The following HYDIN variants were observed in gnomAD, a reference collection of about 807,000 sequenced individuals.
HYDIN encodes the protein axonemal central pair apparatus protein HYDIN.
HYDIN carries 132 observed loss-of-function variants against 403.9 expected under a neutral mutation model. The observed-to-expected ratio is 0.33, with a 90% CI of 0.28 to 0.38. The LOEUF is 0.38. Ranked by LOEUF, HYDIN falls within the 10% of genes least tolerant of loss-of-function variation. The probability of loss-of-function intolerance (pLI) is 1.00; values close to 1 mark genes in which losing one functional copy is unlikely to be tolerated. For synonymous variants in HYDIN, 1,202 were observed against 1,891.7 expected (o/e 0.64, Z 9.46); for missense variants, 2,827 against 5,009.5 (o/e 0.56, Z 13.15).
intron 67 of HYDIN, chr16:70,865,132 A>T (rs1242884212): frequency 7.7e-6 from 2 of 261,402 alleles, no homozygotes; most frequent in Non-Finnish European, 1.5e-5. Context: ...TTGTCCTTGT[A>T]TGTGTTGCAC....
At chr16:70,845,850 TG>T in intron 75 of HYDIN, among the ~76,000 whole-genome samples, 1 of 138,840 alleles carries the variant, frequency 7.2e-6, no homozygotes, top group Non-Finnish European at 1.5e-5. Context: ...TAGTATTCTC[TG>T]ATGGTAGTTT....
Position 70,991,401 on chromosome 16 carries a change from G to A in HYDIN, c.3786-5C>T, listed in dbSNP as rs1240791632. ...TCTTCATCCACAAGGACAGTCCTAGGAAGTTTAATGAAATGCAGAGATTCA... is the reference window on the plus strand; with the variant it reads ...TCTTCATCCACAAGGACAGTCCTAGAAAGTTTAATGAAATGCAGAGATTCA... On this transcript the variant is annotated splice_region_variant and splice_polypyrimidine_tract_variant and intron_variant, in intron 24 of 85. Transcript: ENST00000393567. The A allele has an allele frequency of 6.8e-6, 11 of 1,612,756 alleles. No individual in the cohort carries two copies. In the African/African-American group the frequency reaches 1.5e-4, roughly 22 times the overall value.
intron 1 of HYDIN, among the ~76,000 whole-genome samples, chr16:71,224,576 T>G (rs1288497368): frequency 6.8e-6 from 1 of 147,650 alleles, no homozygotes; most frequent in Non-Finnish European, 1.5e-5. Flanking sequence ...TTTTTTTTTT[T>G]TTTGAGACGG....
chr16:70,813,159 G>A (rs985053513), intron 84 of HYDIN, among the ~76,000 whole-genome samples: 1 of 152,126 alleles, frequency 6.6e-6, no homozygotes, highest in Non-Finnish European at 1.5e-5. Flanking sequence ...CACTATGTTG[G>A]CCAGACTGGT....
intron 1 of HYDIN, among the ~76,000 whole-genome samples, chr16:71,219,544 A>T (rs2144754362): frequency 6.6e-6 from 1 of 152,306 alleles, no homozygotes; most frequent in East Asian, 1.9e-4. Flanking sequence ...GTTTATTTGA[A>T]CCAATACTTT....
intron 84 of HYDIN, among the ~76,000 whole-genome samples, chr16:70,812,335 C>CA (rs2035559834): frequency 6.6e-6 from 1 of 150,416 alleles, no homozygotes; most frequent in South Asian, 2.1e-4. Context: ...ACTAAAAATA[C>CA]AAAAATAGCC....
Position 70,968,810 on chromosome 16 carries a change from A to T in HYDIN, c.5619+1710T>A, listed in dbSNP as rs561490128. On this transcript the variant is annotated intron_variant, in intron 36 of 85. Transcript: ENST00000393567. The stretch of plus-strand genomic sequence containing the variant: ...GCTTGAATGACAAAAGAAAATGAAT[A>T]GATATCAACTTCAAGGTAATAGTGA... Among the ~76,000 whole-genome samples the T allele has an allele frequency of 1.4e-4, 22 of 152,382 alleles. No homozygotes were observed. In the East Asian group the frequency reaches 4.1e-3, roughly 28 times the overall value.
Position 71,222,217 on chromosome 16 carries a change from C to A in HYDIN, c.-24+8345G>T, listed in dbSNP as rs370808452. Among the ~76,000 whole-genome samples the A allele has an allele frequency of 1.9e-3, 283 of 151,988 alleles. 5 individuals carry two copies. The highest frequency in any genetic ancestry group is 6.4e-3 in the African/African-American group (267 of 41,452). ...CAATAAATGTGATATATCACATAAA[C>A]AAAATTAAAAACAAAAACCATAGAT... On this transcript the variant is annotated intron_variant, in intron 1 of 85. Coordinates refer to ENST00000393567, the MANE Select transcript of HYDIN (RefSeq NM_001270974.2).
chr16:71,124,368 T>C (rs186116088), intron 9 of HYDIN, among the ~76,000 whole-genome samples: 4 of 152,398 alleles, frequency 2.6e-5, no homozygotes, highest in African/African-American at 9.6e-5. Context: ...TTTCACATGA[T>C]ACTGTTCACA....
intron 80 of HYDIN, among the ~76,000 whole-genome samples, chr16:70,831,178 C>CT (rs2036956534): frequency 6.6e-6 from 1 of 151,268 alleles, no homozygotes; most frequent in South Asian, 2.1e-4. Flanking sequence ...AAGAAGGAAT[C>CT]TAAGGACTAG....
At chr16:70,812,110 T>C (rs2143432656) in intron 84 of HYDIN, among the ~76,000 whole-genome samples, 1 of 94,222 alleles carries the variant, frequency 1.1e-5, no homozygotes, top group South Asian at 4.3e-4. Flanking sequence ...CCAACAATAA[T>C]AGGAGAAAGA....
At position 70,807,480 on chromosome 16, in the gene HYDIN, A is replaced by G; in HGVS notation, c.*100T>C. On this transcript the variant is annotated 3_prime_UTR_variant, in exon 86 of 86. Transcript: ENST00000393567. The stretch of plus-strand genomic sequence containing the variant: ...AACTGCCCTATAATTGTATGAGAAG[A>G]ATAAAAACAGTTCCTTTAGAATTCT... 1 of 1,345,020 alleles carries G rather than the reference A, an allele frequency of 7.4e-7. No homozygotes were observed. The highest frequency in any genetic ancestry group is 1.0e-6 in the Non-Finnish European group (1 of 983,420). 83.3% of individuals were successfully genotyped at this position (1,345,020 alleles called of 1,614,324 possible).
intron 1 of HYDIN, among the ~76,000 whole-genome samples, chr16:71,222,181 T>C (rs1237326867): frequency 6.6e-6 from 1 of 152,110 alleles, no homozygotes; most frequent in Non-Finnish European, 1.5e-5. Flanking sequence ...GATGGTTTAA[T>C]ATACACAAGT....
chr16:71,176,798 A>T (rs1254384894), intron 4 of HYDIN, among the ~76,000 whole-genome samples: 1 of 152,184 alleles, frequency 6.6e-6, no homozygotes, highest in Non-Finnish European at 1.5e-5. Flanking sequence ...TAAAATCACA[A>T]GTGTTCTGGC....
chr16:70,832,707 G>A (rs1567672762), intron 80 of HYDIN, 141 bp downstream of exon 80: 4 of 619,036 alleles, frequency 6.5e-6, no homozygotes, highest in South Asian at 5.8e-5. Context: ...AGGGGAGAAT[G>A]AATATTCCAG....
At chr16:71,021,003 T>A (rs2080468042) in intron 21 of HYDIN, among the ~76,000 whole-genome samples, 1 of 151,214 alleles carries the variant, frequency 6.6e-6, no homozygotes, top group South Asian at 2.1e-4. Flanking sequence ...TCTAAAAAGT[T>A]AGTTATATCT....
intron 1 of HYDIN, among the ~76,000 whole-genome samples, chr16:71,191,223 A>G (rs1338383596): frequency 6.6e-6 from 1 of 152,138 alleles, no homozygotes; most frequent in Non-Finnish European, 1.5e-5. Context: ...TGTTGTTGTT[A>G]TTTGCTAAGT....
intron 18 of HYDIN, among the ~76,000 whole-genome samples, chr16:71,045,517 C>T (rs866058887): frequency 4.0e-5 from 6 of 151,286 alleles, no homozygotes; most frequent in Non-Finnish European, 8.8e-5. Context: ...GTAATATGTA[C>T]CAATAATCTT....
intron 23 of HYDIN, among the ~76,000 whole-genome samples, chr16:71,011,447 T>C (rs2080078762): frequency 6.6e-6 from 1 of 152,084 alleles, no homozygotes; most frequent in South Asian, 2.1e-4. Flanking sequence ...TGGCTCACAC[T>C]TGTAATCCTA....
Sources: gnomAD v4.1 joint callset for allele counts (sites outside exome capture counted in the v4.1 genomes callset) on GRCh38, gnomAD v4.1.1 for gene constraint, MANE v1.5 for transcripts, NCBI Gene and HGNC (gene_info 2026-07-23, HGNC 2026-07-21) for gene names.